Variants in HMCN1 observed in about 807,000 individuals in gnomAD.
The protein encoded by HMCN1 is hemicentin-1.
HMCN1 carries 321 observed loss-of-function variants against 625.9 expected under a neutral mutation model. The observed-to-expected ratio is 0.51, with a 90% CI of 0.47 to 0.56. The LOEUF is 0.56. Ranked by LOEUF, HMCN1 falls within the 20% of genes least tolerant of loss-of-function variation. The pLI is 0.00. For missense variants in HMCN1, 6,588 were observed against 6,887.3 expected, an observed-to-expected ratio of 0.96 and a Z score of 1.54; for synonymous variants, 2,425 against 2,417.6, an observed-to-expected ratio of 1.00 and a Z score of -0.09.
rs528227999 is a variant in HMCN1 at position 186,052,184 on chromosome 1, C to T, written c.6578-768C>T. 3.9e-3 allele frequency among the ~76,000 whole-genome samples: 595 copies of T among 151,914 alleles called. 3 individuals are homozygous for T. The highest frequency in any genetic ancestry group is 6.0e-3 in the Non-Finnish European group (409 of 67,924). On this transcript the variant is annotated intron_variant, in intron 42 of 106. Coordinates refer to ENST00000271588, the MANE Select transcript of HMCN1 (RefSeq NM_031935.3). ...AGAGAAATAAATTGGTTATATGAGCCTCAAAGGAATAGAGGCTTTTACATG... is the reference window on the plus strand; with the variant it reads ...AGAGAAATAAATTGGTTATATGAGCTTCAAAGGAATAGAGGCTTTTACATG...
At chr1:186,067,258 T>C (rs79241032) in intron 49 of HMCN1, among the ~76,000 whole-genome samples, 226 of 152,300 alleles carry the variant, frequency 1.5e-3, no homozygotes, top group African/African-American at 5.1e-3. Flanking sequence ...TTTAATGCTC[T>C]AGTTCAGTTC....
At chr1:185,808,347 A>T (rs1659304063) in intron 1 of HMCN1, among the ~76,000 whole-genome samples, 1 of 152,018 alleles carries the variant, frequency 6.6e-6, no homozygotes, top group Non-Finnish European at 1.5e-5. Flanking sequence ...ACTCTGTCTC[A>T]AAAAATAAAT....
chr1:186,174,581 C>T lies in HMCN1; in HGVS notation c.15882C>T (p.Gly5294=). The change falls in exon 103 of 107, where the codon GGC becomes GGT. Residue 5294 remains glycine, a synonymous_variant. Coordinates refer to ENST00000271588, the MANE Select transcript of HMCN1 (RefSeq NM_031935.3). ...RYNQICENTR[G]SYRCVCPRGY... ...ACCAGATATGTGAGAATACAAGAGGCAGCTATCGTTGTGTATGCCCAAGAG... is the reference window on the plus strand; with the variant it reads ...ACCAGATATGTGAGAATACAAGAGGTAGCTATCGTTGTGTATGCCCAAGAG... The T allele has an allele frequency of 1.2e-6, 2 of 1,613,658 alleles. No individual in the cohort carries two copies. The highest frequency in any genetic ancestry group is 1.3e-5 in the African/African-American group (1 of 75,028).
At chr1:186,136,117 A>G (rs985103169) in intron 86 of HMCN1, among the ~76,000 whole-genome samples, 11 of 152,174 alleles carry the variant, frequency 7.2e-5, no homozygotes, top group African/African-American at 2.4e-4. Flanking sequence ...GAGATGTTGC[A>G]GTGAGCCGAG....
intron 1 of HMCN1, among the ~76,000 whole-genome samples, chr1:185,839,584 C>T (rs1467231391): frequency 6.6e-6 from 1 of 152,130 alleles, no homozygotes; most frequent in African/African-American, 2.4e-5. Context: ...ATAAAAATCC[C>T]ATGACTGTTT....
intron 85 of HMCN1, among the ~76,000 whole-genome samples, chr1:186,131,794 A>G (rs1317271829): frequency 2.0e-5 from 3 of 152,158 alleles, no homozygotes; most frequent in Non-Finnish European, 4.4e-5. Context: ...ACATATATGT[A>G]TATAATGTGA....
At chr1:185,765,781 A>G (rs943668378) in intron 1 of HMCN1, among the ~76,000 whole-genome samples, 5 of 152,208 alleles carry the variant, frequency 3.3e-5, no homozygotes, top group African/African-American at 1.2e-4. Context: ...TATAAATGCA[A>G]GTTATCAGGC....
At chr1:185,828,424 C>T (rs552891406) in intron 1 of HMCN1, among the ~76,000 whole-genome samples, 1 of 152,072 alleles carries the variant, frequency 6.6e-6, no homozygotes, top group Admixed American at 6.5e-5. Flanking sequence ...GTACTAACAA[C>T]ATCAACATTC....
intron 89 of HMCN1, among the ~76,000 whole-genome samples, chr1:186,139,827 T>C (rs1202478653): frequency 6.6e-6 from 1 of 152,152 alleles, no homozygotes; most frequent in Non-Finnish European, 1.5e-5. Flanking sequence ...GCTACAAGTT[T>C]TCCTCCTCAC....
rs57317105 is a variant in HMCN1 at position 186,164,240 on chromosome 1, C to CTTTTT, written c.15257-858_15257-854dup. Among the ~76,000 whole-genome samples, 30 of 131,546 alleles carry CTTTTT rather than the reference C, an allele frequency of 2.3e-4. 1 individual carries two copies. Among genetic ancestry groups the CTTTTT allele is most frequent in the African/African-American group, 8.0e-4 (26 of 32,628 alleles). The allele number at this position is 131,546 out of a possible 152,430, so 86.3% of individuals were successfully genotyped here. A position where few individuals can be genotyped will look rare whatever the true frequency, so the allele number is the denominator to read the frequency against. On this transcript the variant is annotated intron_variant, in intron 97 of 106. Coordinates refer to ENST00000271588, the MANE Select transcript of HMCN1 (RefSeq NM_031935.3). ...TTTGTTTCTGACATCTAACTTAAAT[C>CTTTTT]TTTTTTTTTTTTTTTTTGAGACAGA...
At chr1:186,042,242 C>G (rs1480423424) in intron 40 of HMCN1, among the ~76,000 whole-genome samples, 1 of 152,126 alleles carries the variant, frequency 6.6e-6, no homozygotes, top group East Asian at 1.9e-4. Context: ...TCTATAATGC[C>G]CAACCCCAGG....
chr1:185,813,142 A>G (rs1659631907), intron 1 of HMCN1, among the ~76,000 whole-genome samples: 1 of 152,162 alleles, frequency 6.6e-6, no homozygotes, highest in African/African-American at 2.4e-5. Flanking sequence ...TGGCCCCATA[A>G]TAGTTGCTCA....
In HMCN1 at chr1:186,076,300, G is replaced by A. The variant is rs180887340; in HGVS notation, c.8291-128G>A. 1.9e-4 allele frequency: 174 copies of A among 936,688 alleles called. No individual in the cohort carries two copies. In the East Asian group the frequency reaches 4.0e-3, roughly 21 times the overall value. The allele number at this position is 936,688 out of a possible 1,614,324, so 58.0% of individuals were successfully genotyped here. On this transcript the variant is annotated intron_variant, in intron 53 of 106. Transcript: ENST00000271588. Reference sequence around the variant, plus strand: ...GCTAAGGGCTAGAGTTGGTGGTGGCGTCAGTACTTGAAATTATTTCCACAT... The same window carrying A: ...GCTAAGGGCTAGAGTTGGTGGTGGCATCAGTACTTGAAATTATTTCCACAT...
chr1:186,025,724 A>G (rs901271167), intron 36 of HMCN1, among the ~76,000 whole-genome samples: 2 of 152,222 alleles, frequency 1.3e-5, no homozygotes, highest in African/African-American at 2.4e-5. Context: ...GCACCTCTAC[A>G]TGGAAAATCA....
intron 1 of HMCN1, among the ~76,000 whole-genome samples, chr1:185,822,812 A>G (rs1037587387): frequency 6.6e-6 from 1 of 152,146 alleles, no homozygotes; most frequent in Non-Finnish European, 1.5e-5. Flanking sequence ...TCAGGAAAAC[A>G]TCCCTGTTTT....
chr1:186,048,837 G>A lies in HMCN1; in HGVS notation c.6575G>A (p.Trp2192Ter), dbSNP rs1656754461. 1 of 1,595,260 alleles carries A rather than the reference G, an allele frequency of 6.3e-7. No individual in the cohort carries two copies. The highest frequency in any genetic ancestry group is 8.6e-7 in the Non-Finnish European group (1 of 1,164,388). Residue 2192 changes from tryptophan to a stop codon, truncating the protein, a stop_gained and splice_region_variant, in exon 42 of 107, where the codon TGG becomes TAG. Transcript: ENST00000271588. LOFTEE classifies it high-confidence loss of function. Reference protein sequence around the residue: ...KTEKNYNVNIWVPPNIGGSDE... With the variant: ...KTEKNYNVNI Reference sequence around the variant, plus strand: ...GAAAAAAACTACAATGTCAACATTTGGGGTAAGTGTAATCAGCTCTTGAAA... The same window carrying A: ...GAAAAAAACTACAATGTCAACATTTAGGGTAAGTGTAATCAGCTCTTGAAA...
At chr1:185,752,505 C>G (rs1557942008) in intron 1 of HMCN1, among the ~76,000 whole-genome samples, 1 of 152,108 alleles carries the variant, frequency 6.6e-6, no homozygotes, top group Non-Finnish European at 1.5e-5. Context: ...ACAACTCCAT[C>G]CTAACTATTT....
At chr1:185,994,772 A>C (rs201597724) in intron 23 of HMCN1, 43 bp from the exon 24 acceptor site, 1 of 1,588,038 alleles carries the variant, frequency 6.3e-7, no homozygotes, top group South Asian at 1.1e-5. Flanking sequence ...AAAGAAAGGA[A>C]TTTGTGAAAG....
chr1:185,808,426 C>G (rs80301807), intron 1 of HMCN1, among the ~76,000 whole-genome samples: 7,556 of 151,986 alleles, frequency 0.05, 612 homozygotes, highest in African/African-American at 0.17. Context: ...GGCTGAGGTG[C>G]GAGTATCACT....
Sources: gnomAD v4.1 joint callset for allele counts (sites outside exome capture counted in the v4.1 genomes callset) on GRCh38, gnomAD v4.1.1 for gene constraint, MANE v1.5 for transcripts, NCBI Gene and HGNC (gene_info 2026-07-23, HGNC 2026-07-21) for gene names.